The following MFF variants were observed in gnomAD, a reference collection of about 807,000 sequenced individuals.
MFF encodes chromosome 2 open reading frame 33.
In MFF, 12 loss-of-function variants were observed where a neutral mutation model predicts 36.9. That is an observed-to-expected ratio of 0.33 (90% CI 0.21 to 0.53). The LOEUF (loss-of-function observed/expected upper bound fraction) is 0.53, where lower values mean the gene tolerates loss of function less well. Among genes scored for constraint, MFF ranks in the 20% least tolerant of loss-of-function variants. The pLI, the probability that MFF is intolerant of heterozygous loss-of-function variation, is 0.95. For missense variants in MFF, 348 were observed against 366.6 expected (o/e 0.95, Z 0.42); for synonymous variants, 99 against 126.2 (o/e 0.78, Z 1.44).
intron 5 of MFF, chr2:227,346,745 C>T (rs4390756): frequency 0.86 from 130,878 of 152,076 alleles, 57,347 homozygotes; most frequent in Non-Finnish European, 0.95. Flanking sequence ...ATTGGCTTTA[C>T]GAAGTGTTTG....
intron 4 of MFF, among the ~76,000 whole-genome samples, chr2:227,337,796 C>T (rs1166647069): frequency 2.0e-5 from 3 of 152,138 alleles, no homozygotes; most frequent in African/African-American, 7.2e-5. Flanking sequence ...CATTTGTAAT[C>T]CCAGCACTTT....
chr2:227,335,345 G>A (rs148613546), intron 4 of MFF, among the ~76,000 whole-genome samples: 3,761 of 152,226 alleles, frequency 0.025, 70 homozygotes, highest in Middle Eastern at 0.054. Flanking sequence ...TTGTCAGGGG[G>A]TTAGAGGAGA....
intron 8 of MFF, among the ~76,000 whole-genome samples, chr2:227,356,182 C>T (rs1231814015): frequency 6.6e-6 from 1 of 152,186 alleles, no homozygotes; most frequent in Admixed American, 6.5e-5. Flanking sequence ...TGCAGTTGCA[C>T]ATGCATATTT....
intron 5 of MFF, 200 bp downstream of exon 5, chr2:227,340,580 C>T: frequency 2.0e-6 from 1 of 510,146 alleles, no homozygotes; most frequent in South Asian, 2.3e-5. Flanking sequence ...CTTATCCTTT[C>T]CTGTGTAGTA....
At chr2:227,348,428 G>A (rs1484883771) in intron 6 of MFF, among the ~76,000 whole-genome samples, 3 of 152,034 alleles carry the variant, frequency 2.0e-5, no homozygotes, top group Non-Finnish European at 4.4e-5. Context: ...CTATGCATTT[G>A]GGCCCAAGGA....
intron 5 of MFF, among the ~76,000 whole-genome samples, chr2:227,341,194 C>A (rs2075370435): frequency 6.6e-6 from 1 of 151,830 alleles, no homozygotes; most frequent in African/African-American, 2.4e-5. Context: ...TATATTACAG[C>A]ATATTAATCT....
chr2:227,344,775 A>G (rs1283339114), intron 5 of MFF, among the ~76,000 whole-genome samples: 5 of 151,956 alleles, frequency 3.3e-5, no homozygotes, highest in South Asian at 4.1e-4. Context: ...GAGGATTGCC[A>G]TACACATGAA....
chr2:227,356,993 A>G lies in MFF; in HGVS notation c.752A>G (p.Lys251Arg). 1 of 1,610,966 alleles carries G rather than the reference A, an allele frequency of 6.2e-7. No homozygotes were observed. The highest frequency in any genetic ancestry group is 8.5e-7 in the Non-Finnish European group (1 of 1,178,356). The change falls in exon 9 of 9, where the codon AAA (lysine) becomes AGA (arginine). Residue 251 changes from lysine (K) to arginine (R), a missense_variant. Transcript: ENST00000304593. The part of the protein sequence containing the change: ...DAASLRRQII[K>R]LNRRLQLLEE... ...TGTTTGTTTTTCACTTAGATAATCA[A>G]ACTAAATAGACGTCTACAACTTCTG...
At chr2:227,352,266 C>T in intron 6 of MFF, 1 of 369,494 alleles carries the variant, frequency 2.7e-6, no homozygotes, top group Non-Finnish European at 4.9e-6. Context: ...TATGTTGGTG[C>T]TGTTTTGTCG....
At chr2:227,353,434 A>C (rs971921253) in intron 7 of MFF, among the ~76,000 whole-genome samples, 1 of 152,216 alleles carries the variant, frequency 6.6e-6, no homozygotes, top group African/African-American at 2.4e-5. Context: ...AGAAAAGGGA[A>C]GCATTAGCTG....
chr2:227,345,929 G>T (rs1464723679), intron 5 of MFF, among the ~76,000 whole-genome samples: 1 of 152,146 alleles, frequency 6.6e-6, no homozygotes, highest in Non-Finnish European at 1.5e-5. Context: ...TATACGTTAA[G>T]ATTTGGCTTA....
At chr2:227,343,641 G>A (rs1312952245) in intron 5 of MFF, among the ~76,000 whole-genome samples, 1 of 152,112 alleles carries the variant, frequency 6.6e-6, no homozygotes, top group East Asian at 1.9e-4. Context: ...CACCGAAGAG[G>A]TTAAATTCAC....
chr2:227,327,422 C>A (rs1482771430), intron 1 of MFF, among the ~76,000 whole-genome samples: 4 of 151,190 alleles, frequency 2.6e-5, no homozygotes, highest in African/African-American at 7.4e-5. Flanking sequence ...CACAGTCTAA[C>A]GAGGGAGAAA....
chr2:227,356,866 C>A (rs780047417), intron 8 of MFF, 120 bp from the exon 9 acceptor site: 2 of 789,730 alleles, frequency 2.5e-6, no homozygotes, highest in Non-Finnish European at 4.0e-6. Flanking sequence ...ATGAAACTTT[C>A]CATGTTTGTA....
Position 227,332,456 on chromosome 2 carries a change from T to G in MFF, c.219T>G (p.Asp73Glu). 6.2e-7 allele frequency: 1 copy of G among 1,613,494 alleles called. No homozygotes were observed. Among genetic ancestry groups the G allele is most frequent in the Non-Finnish European group, 8.5e-7 (1 of 1,179,712 alleles). ...NEDVSFSRPA[D>E]LDLIQSTPFK... ...ATGTTTCATTTTCAAGACCAGCAGA[T>G]CTTGACCTTATTCAGTCAACTCCCT... is the stretch of plus-strand genomic sequence containing the variant. Residue 73 changes from aspartate to glutamate, a missense_variant, in exon 4 of 9, where the codon GAT (aspartate) becomes GAG (glutamate). Asp to Glu is a conservative substitution (Grantham distance 45). Transcript: ENST00000304593.
At chr2:227,351,206 G>C (rs896722037) in intron 6 of MFF, among the ~76,000 whole-genome samples, 3 of 152,142 alleles carry the variant, frequency 2.0e-5, no homozygotes, top group Non-Finnish European at 4.4e-5. Flanking sequence ...ATGAGTTAAA[G>C]ACCTGTCTTA....
intron 5 of MFF, chr2:227,346,703 A>G (rs1291127853): frequency 1.3e-5 from 2 of 152,296 alleles, no homozygotes; most frequent in Non-Finnish European, 2.9e-5. Context: ...TCCTTAAATC[A>G]GTGTCATTTA....
intron 1 of MFF, among the ~76,000 whole-genome samples, chr2:227,327,912 C>T (rs2074278147): frequency 6.6e-6 from 1 of 152,190 alleles, no homozygotes; most frequent in South Asian, 2.1e-4. Flanking sequence ...AAGAGCATCT[C>T]ATCTGGAATG....
intron 4 of MFF, among the ~76,000 whole-genome samples, chr2:227,338,822 A>AG (rs1559963068): frequency 1.3e-5 from 2 of 150,076 alleles, no homozygotes; most frequent in Non-Finnish European, 3.0e-5. Context: ...GCGACAGAAC[A>AG]AGACTCTGTC....
Sources: gnomAD v4.1 joint callset for allele counts (sites outside exome capture counted in the v4.1 genomes callset) on GRCh38, gnomAD v4.1.1 for gene constraint, MANE v1.5 for transcripts, NCBI Gene and HGNC (gene_info 2026-07-23, HGNC 2026-07-21) for gene names.